ASTN2: variants seen among roughly 807,000 people sequenced by gnomAD.
ASTN2 encodes the protein astrotactin 2, also known as astrotactin-2.
In ASTN2, 54 loss-of-function variants were observed where a neutral mutation model predicts 139.8. The ratio of observed to expected loss-of-function variants is 0.39; its 90% CI spans 0.31 to 0.48. The LOEUF (loss-of-function observed/expected upper bound fraction) is 0.48. Ranked by LOEUF, ASTN2 falls within the 20% of genes least tolerant of loss-of-function variation. ASTN2 has a pLI of 0.95. For synonymous variants in ASTN2, 756 were observed against 719.5 expected, an observed-to-expected ratio of 1.05 and a Z score of -0.81; for missense variants, 1,565 against 1,725.1, an observed-to-expected ratio of 0.91 and a Z score of 1.64.
At chr9:117,239,905 T>A (rs1049374692) in intron 2 of ASTN2, among the ~76,000 whole-genome samples, 1 of 152,238 alleles carries the variant, frequency 6.6e-6, no homozygotes, top group Admixed American at 6.5e-5. Context: ...GTGGTTAGTA[T>A]GCTTAACTCC....
At chr9:116,798,986 C>T (rs1473265875) in intron 13 of ASTN2, among the ~76,000 whole-genome samples, 1 of 149,060 alleles carries the variant, frequency 6.7e-6, no homozygotes, top group Non-Finnish European at 1.5e-5. Flanking sequence ...GTTAATGGCT[C>T]CTTTGCAATA....
At chr9:116,704,008 G>A (rs1827923841) in intron 16 of ASTN2, among the ~76,000 whole-genome samples, 2 of 152,072 alleles carry the variant, frequency 1.3e-5, no homozygotes, top group African/African-American at 2.4e-5. Flanking sequence ...TAATATTCAC[G>A]GGACCCAAGC....
rs1016270368 is a variant in ASTN2 at position 116,439,194 on chromosome 9, A to ATTTTTTTTTTTTTTTTTTT, written c.3782+1396_3782+1414dup. ...GATGTTGTGTTTTCTATTCAAATAC[A>ATTTTTTTTTTTTTTTTTTT]TTTTTTTTTTTTTTTTTTTTTTTTG... On this transcript the variant is annotated intron_variant, in intron 22 of 22. Coordinates refer to ENST00000313400, the MANE Select transcript of ASTN2 (RefSeq NM_001365068.1). Among the ~76,000 whole-genome samples, 30 of 56,726 alleles carry ATTTTTTTTTTTTTTTTTTT rather than the reference A, an allele frequency of 5.3e-4. 2 individuals are homozygous for ATTTTTTTTTTTTTTTTTTT. The highest frequency in any genetic ancestry group is 1.2e-3 in the Admixed American group (4 of 3,372). The allele number at this position is 56,726 out of a possible 152,430, so 37.2% of individuals were successfully genotyped here. A position where few individuals can be genotyped will look rare whatever the true frequency, so the allele number is the denominator to read the frequency against.
chr9:116,603,642 C>A (rs1007521898), intron 19 of ASTN2, among the ~76,000 whole-genome samples: 1 of 152,214 alleles, frequency 6.6e-6, no homozygotes, highest in Non-Finnish European at 1.5e-5. Flanking sequence ...TTGACTTCCC[C>A]TTTTGGGGAA....
intron 16 of ASTN2, among the ~76,000 whole-genome samples, chr9:116,664,859 A>G (rs1286165332): frequency 1.3e-5 from 2 of 152,164 alleles, no homozygotes; most frequent in East Asian, 3.9e-4. Context: ...TTGGTGATAT[A>G]GCTTGGATGT....
intron 13 of ASTN2, among the ~76,000 whole-genome samples, chr9:116,801,325 G>A (rs1830839658): frequency 6.6e-6 from 1 of 152,086 alleles, no homozygotes; most frequent in African/African-American, 2.4e-5. Context: ...GCTCACGCCT[G>A]TAATCCCAGC....
chr9:117,114,536 C>CA (rs1287758337), intron 4 of ASTN2, among the ~76,000 whole-genome samples: 1 of 152,104 alleles, frequency 6.6e-6, no homozygotes, highest in African/African-American at 2.4e-5. Flanking sequence ...CATGGAATAG[C>CA]AAAAAATTAT....
chr9:116,479,597 G>A (rs1216893871), intron 20 of ASTN2, among the ~76,000 whole-genome samples: 2 of 152,182 alleles, frequency 1.3e-5, no homozygotes, highest in East Asian at 1.9e-4. Flanking sequence ...CAAGGGCATC[G>A]CACAAATGAC....
chr9:117,035,454 C>T (rs1238303638), intron 6 of ASTN2, among the ~76,000 whole-genome samples: 7 of 152,134 alleles, frequency 4.6e-5, no homozygotes, highest in African/African-American at 7.2e-5. Flanking sequence ...GCACTATTAT[C>T]GCTTTCCCTC....
intron 10 of ASTN2, among the ~76,000 whole-genome samples, chr9:116,936,931 T>G (rs1835099133): frequency 6.6e-6 from 1 of 152,196 alleles, no homozygotes; most frequent in African/African-American, 2.4e-5. Flanking sequence ...GAGAGCACAT[T>G]GATGGGAAAC....
At chr9:116,517,223 A>G (rs1175536764) in intron 19 of ASTN2, among the ~76,000 whole-genome samples, 2 of 152,196 alleles carry the variant, frequency 1.3e-5, no homozygotes, top group Non-Finnish European at 2.9e-5. Flanking sequence ...CCAGCACACT[A>G]AACAAAAACA....
At chr9:116,926,908 A>T (rs970572864) in intron 10 of ASTN2, among the ~76,000 whole-genome samples, 1 of 152,244 alleles carries the variant, frequency 6.6e-6, no homozygotes, top group African/African-American at 2.4e-5. Flanking sequence ...GGAGAGGGCC[A>T]TCAGGAGATT....
chr9:116,634,317 G>T (rs1181746256), intron 17 of ASTN2, among the ~76,000 whole-genome samples: 1 of 151,884 alleles, frequency 6.6e-6, no homozygotes, highest in Non-Finnish European at 1.5e-5. Flanking sequence ...AGGGCCGGGC[G>T]CGGTGGCTCA....
intron 16 of ASTN2, among the ~76,000 whole-genome samples, chr9:116,661,541 C>T (rs961592255): frequency 2.0e-5 from 3 of 151,818 alleles, no homozygotes; most frequent in East Asian, 1.9e-4. Flanking sequence ...CCTGATGGGA[C>T]GTATTGGCTG....
chr9:116,763,679 C>T (rs191409165), intron 13 of ASTN2, among the ~76,000 whole-genome samples: 172 of 152,284 alleles, frequency 1.1e-3, no homozygotes, highest in African/African-American at 4.0e-3. Flanking sequence ...TTTTACCTCT[C>T]TGAGTTTGTT....
intron 1 of ASTN2, among the ~76,000 whole-genome samples, chr9:117,388,998 T>C (rs571085978): frequency 1.3e-5 from 2 of 152,174 alleles, no homozygotes; most frequent in Admixed American, 6.5e-5. Flanking sequence ...AGAAACAAGA[T>C]GAATGTTTAA....
chr9:117,296,950 C>T (rs908097209), intron 1 of ASTN2, among the ~76,000 whole-genome samples: 13 of 152,166 alleles, frequency 8.5e-5, no homozygotes, highest in African/African-American at 2.4e-4. Context: ...CATCCTGCCT[C>T]GGTGGCCACT....
intron 12 of ASTN2, among the ~76,000 whole-genome samples, chr9:116,819,084 C>T (rs1443920559): frequency 6.6e-6 from 1 of 152,264 alleles, no homozygotes; most frequent in African/African-American, 2.4e-5. Context: ...GATTACAATT[C>T]GTGTCTTTTG....
intron 4 of ASTN2, among the ~76,000 whole-genome samples, chr9:117,123,468 G>T (rs1829610761): frequency 6.6e-6 from 1 of 152,066 alleles, no homozygotes; most frequent in Non-Finnish European, 1.5e-5. Flanking sequence ...GTAAAATATG[G>T]ATAATAATAA....
Sources: gnomAD v4.1 joint callset for allele counts (sites outside exome capture counted in the v4.1 genomes callset) on GRCh38, gnomAD v4.1.1 for gene constraint, MANE v1.5 for transcripts, NCBI Gene and HGNC (gene_info 2026-07-23, HGNC 2026-07-21) for gene names.